The following DNAJC15 variants were observed in gnomAD, a reference collection of about 807,000 sequenced individuals.
DNAJC15 encodes dnaJ homolog subfamily C member 15.
Under a neutral mutation model 22.4 loss-of-function variants are expected in DNAJC15, and 27 were observed. The observed-to-expected ratio is 1.20, with a 90% CI of 0.89 to 1.66. The LOEUF (loss-of-function observed/expected upper bound fraction) is 1.66. DNAJC15 is among the 40% of genes most tolerant of loss of function. The pLI is 0.00. For synonymous variants in DNAJC15, 79 were observed against 63.2 expected, an observed-to-expected ratio of 1.25 and a Z score of -1.19; for missense variants, 208 against 187.1, an observed-to-expected ratio of 1.11 and a Z score of -0.65.
chr13:43,044,537 CT>C (rs1225581027), intron 1 of DNAJC15, among the ~76,000 whole-genome samples: 1 of 152,120 alleles, frequency 6.6e-6, no homozygotes, highest in African/African-American at 2.4e-5. Context: ...AGACAATAAC[CT>C]TGACTCTTCT....
intron 1 of DNAJC15, among the ~76,000 whole-genome samples, chr13:43,032,638 A>G (rs574191022): frequency 6.6e-6 from 1 of 152,312 alleles, no homozygotes; most frequent in South Asian, 2.1e-4. Context: ...AGCCTGGTCA[A>G]TATGGCGAAA....
Position 43,057,468 on chromosome 13 carries a change from G to A in DNAJC15, c.109-8218G>A, listed in dbSNP as rs1381399593. On this transcript the variant is annotated intron_variant, in intron 1 of 5. Coordinates refer to ENST00000379221, the MANE Select transcript of DNAJC15 (RefSeq NM_013238.3). ...GAAGTTGTGATTGTTTTTTCTTTAT[G>A]GTATCTATTTCTCTGGATATTTTTA... Among the ~76,000 whole-genome samples, 3 of 151,636 alleles carry A rather than the reference G, an allele frequency of 2.0e-5. No homozygotes were observed. In the East Asian group the frequency reaches 5.8e-4, roughly 29 times the overall value.
In DNAJC15 at chr13:43,111,277, T is replaced by TA. The variant is rs1368772902; in HGVS notation, c.*4032dup. The TA allele has an allele frequency of 1.3e-5, 2 of 152,182 alleles. No individual in the cohort carries two copies. Among genetic ancestry groups the TA allele is most frequent in the African/African-American group, 4.8e-5 (2 of 41,448 alleles). The allele number at this position is 152,182 out of a possible 1,614,324, so 9.4% of individuals were successfully genotyped here. A position where few individuals can be genotyped will look rare whatever the true frequency, so the allele number is the denominator to read the frequency against. On this transcript the variant is annotated 3_prime_UTR_variant, in exon 6 of 6. Coordinates refer to ENST00000379221, the MANE Select transcript of DNAJC15 (RefSeq NM_013238.3). Reference sequence around the variant, plus strand: ...CTTACTATATCAGGCAGTAAAGATATAAATTCATTCTTAAAATGTGCAACA... The same window carrying TA: ...CTTACTATATCAGGCAGTAAAGATATAAAATTCATTCTTAAAATGTGCAACA...
chr13:43,099,945 T>C (rs1314158315), intron 5 of DNAJC15, among the ~76,000 whole-genome samples: 2 of 152,124 alleles, frequency 1.3e-5, no homozygotes, highest in Admixed American at 1.3e-4. Context: ...TAATGTAGGC[T>C]TTATAAAATA....
Position 43,112,482 on chromosome 13 carries a change from C to T in DNAJC15, c.*5234C>T, listed in dbSNP as rs1039782272. 6.6e-6 allele frequency: 1 copy of T among 152,106 alleles called. No individual in the cohort carries two copies. The highest frequency in any genetic ancestry group is 1.5e-5 in the Non-Finnish European group (1 of 68,018). 9.4% of individuals were successfully genotyped at this position (152,106 alleles called of 1,614,324 possible). A position where few individuals can be genotyped will look rare whatever the true frequency, so the allele number is the denominator to read the frequency against. On this transcript the variant is annotated 3_prime_UTR_variant, in exon 6 of 6. Coordinates refer to ENST00000379221, the MANE Select transcript of DNAJC15 (RefSeq NM_013238.3). ...AGGGGGGATCAACAGTGGCAAACTT[C>T]AATTATGACAGGATAAAAATCACAT...
At chr13:43,050,193 T>A (rs2040496364) in intron 1 of DNAJC15, among the ~76,000 whole-genome samples, 1 of 152,210 alleles carries the variant, frequency 6.6e-6, no homozygotes, top group South Asian at 2.1e-4. Flanking sequence ...GTGCTGGGAT[T>A]ACAGGCATGA....
chr13:43,038,546 A>G (rs2040438884), intron 1 of DNAJC15, among the ~76,000 whole-genome samples: 2 of 152,228 alleles, frequency 1.3e-5, no homozygotes, highest in Non-Finnish European at 2.9e-5. Context: ...TAATCCCAGC[A>G]CTTTGGGAGG....
rs778452626 is a variant in DNAJC15 at position 43,085,802 on chromosome 13, C to T, written c.346C>T (p.His116Tyr). 5 of 1,613,634 alleles carry T rather than the reference C, an allele frequency of 3.1e-6. No homozygotes were observed. In the East Asian group the frequency reaches 6.7e-5, roughly 22 times the overall value. ...SAGKAKIRTA[H>Y]RRVMILNHPD... ...TGGCAAGGCTAAGATTAGAACAGCT[C>T]ATAGGAGAGTCATGATTTTGAATCA... The change falls in exon 5 of 6, where the codon CAT becomes TAT. Residue 116 changes from histidine to tyrosine, a missense_variant. Coordinates refer to ENST00000379221, the MANE Select transcript of DNAJC15 (RefSeq NM_013238.3).
chr13:43,032,340 C>T (rs1343635930), intron 1 of DNAJC15, among the ~76,000 whole-genome samples: 1 of 152,220 alleles, frequency 6.6e-6, no homozygotes, highest in African/African-American at 2.4e-5. Flanking sequence ...CTGTTTTCAG[C>T]TGTAATTTGA....
At chr13:43,063,625 C>T (rs1593318948) in intron 1 of DNAJC15, among the ~76,000 whole-genome samples, 1 of 151,400 alleles carries the variant, frequency 6.6e-6, no homozygotes, top group Non-Finnish European at 1.5e-5. Context: ...TGTGAAATCA[C>T]TGACTTAGTC....
At chr13:43,033,798 G>A (rs1368839158) in intron 1 of DNAJC15, among the ~76,000 whole-genome samples, 4 of 152,100 alleles carry the variant, frequency 2.6e-5, no homozygotes, top group African/African-American at 4.8e-5. Flanking sequence ...GGAGGCCAAG[G>A]TGGGTAGATA....
In DNAJC15 at chr13:43,068,930, G is replaced by C. The variant is rs542678080; in HGVS notation, c.161G>C (p.Gly54Ala). The C allele has an allele frequency of 3.1e-6, 5 of 1,611,862 alleles. No homozygotes were observed. The South Asian group carries it at 5.5e-5, about 18-fold the overall frequency. ...TGCTTTTATTCCCTTTACTATTTAGGTCGCTACGCATTTCGGATCTGGAAA... is the reference window on the plus strand; with the variant it reads ...TGCTTTTATTCCCTTTACTATTTAGCTCGCTACGCATTTCGGATCTGGAAA... ...GLGVAALAFA[G>A]RYAFRIWKPL... The change falls in exon 3 of 6, where the codon GGT becomes GCT. Residue 54 changes from glycine (G) to alanine (A), a missense_variant and splice_region_variant. Physicochemically the swap from Gly to Ala is moderately conservative, Grantham distance 60. Coordinates refer to ENST00000379221, the MANE Select transcript of DNAJC15 (RefSeq NM_013238.3).
At chr13:43,079,751 C>T (rs1218890595) in intron 4 of DNAJC15, among the ~76,000 whole-genome samples, 1 of 152,058 alleles carries the variant, frequency 6.6e-6, no homozygotes, top group Non-Finnish European at 1.5e-5. Context: ...TGAGGATATC[C>T]TTTAATATTA....
chr13:43,039,009 G>A (rs1215711941), intron 1 of DNAJC15, among the ~76,000 whole-genome samples: 1 of 152,130 alleles, frequency 6.6e-6, no homozygotes, highest in Non-Finnish European at 1.5e-5. Flanking sequence ...TGAATGGGCA[G>A]ATAGGGGTGT....
intron 1 of DNAJC15, among the ~76,000 whole-genome samples, chr13:43,047,101 C>T (rs1483839253): frequency 3.3e-5 from 5 of 152,250 alleles, no homozygotes; most frequent in Admixed American, 1.3e-4. Context: ...ATTTTGGGAG[C>T]GGCCCACCCC....
At chr13:43,037,392 T>G (rs1054801818) in intron 1 of DNAJC15, among the ~76,000 whole-genome samples, 9 of 152,204 alleles carry the variant, frequency 5.9e-5, no homozygotes, top group Admixed American at 5.9e-4. Context: ...CAACTAGAGA[T>G]GCAGTGGGAT....
intron 5 of DNAJC15, among the ~76,000 whole-genome samples, chr13:43,105,161 A>C (rs972739335): frequency 3.9e-5 from 6 of 151,936 alleles, no homozygotes; most frequent in Non-Finnish European, 8.8e-5. Flanking sequence ...AATCATTCCT[A>C]AACAATTACA....
At chr13:43,070,066 A>T (rs547868008) in intron 3 of DNAJC15, among the ~76,000 whole-genome samples, 1 of 152,194 alleles carries the variant, frequency 6.6e-6, no homozygotes, top group Non-Finnish European at 1.5e-5. Context: ...GAAATTTTCA[A>T]TGTTTATGTA....
intron 5 of DNAJC15, among the ~76,000 whole-genome samples, chr13:43,093,913 T>C (rs2040727333): frequency 6.6e-6 from 1 of 152,250 alleles, no homozygotes. Flanking sequence ...GAAAATACCC[T>C]GATATAAATA....
Sources: gnomAD v4.1 joint callset for allele counts (sites outside exome capture counted in the v4.1 genomes callset) on GRCh38, gnomAD v4.1.1 for gene constraint, MANE v1.5 for transcripts, NCBI Gene and HGNC (gene_info 2026-07-23, HGNC 2026-07-21) for gene names.